Variants in LYST observed in about 807,000 individuals in gnomAD.
LYST encodes lysosomal trafficking regulator.
A neutral mutation model predicts 413.6 loss-of-function variants in LYST; 192 were observed. The ratio of observed to expected loss-of-function variants is 0.46; its 90% confidence interval spans 0.41 to 0.52. The LOEUF is 0.52. LYST is among the 20% of genes least tolerant of loss of function. LYST has a pLI of 0.00. For missense variants in LYST, 3,815 were observed against 4,499.9 expected (o/e 0.85, Z 4.35); for synonymous variants, 1,525 against 1,567.3 (o/e 0.97, Z 0.64).
intron 1 of LYST, among the ~76,000 whole-genome samples, chr1:235,853,581 C>T (rs1197981389): frequency 6.6e-6 from 1 of 151,784 alleles, no homozygotes. Context: ...GAAAGGTGTA[C>T]ATATTATTTT....
intron 2 of LYST, among the ~76,000 whole-genome samples, 190 bp from the exon 3 acceptor site, chr1:235,830,614 A>G (rs1432513859): frequency 6.6e-6 from 1 of 152,166 alleles, no homozygotes; most frequent in African/African-American, 2.4e-5. Context: ...AATTCCTTCC[A>G]TGGCGAAATG....
intron 36 of LYST, 101 bp from the exon 37 acceptor site, chr1:235,729,758 TAG>T: frequency 1.2e-6 from 1 of 812,048 alleles, no homozygotes; most frequent in Non-Finnish European, 2.1e-6. Context: ...CAAAGCAGAC[TAG>T]ATAGAGTTCC....
At chr1:235,711,170 A>G (rs1434722104) in intron 43 of LYST, among the ~76,000 whole-genome samples, 1 of 152,200 alleles carries the variant, frequency 6.6e-6, no homozygotes, top group African/African-American at 2.4e-5. Flanking sequence ...TTATACAGCC[A>G]CAGATAGCTA....
chr1:235,676,060 A>G (rs991576488), intron 50 of LYST, among the ~76,000 whole-genome samples: 2 of 152,344 alleles, frequency 1.3e-5, no homozygotes, highest in African/African-American at 4.8e-5. Context: ...CAGAAAATTC[A>G]TGAATTTTCT....
Position 235,788,770 on chromosome 1 carries a change from A to G in LYST, c.4619T>C (p.Ile1540Thr). 2 of 1,613,596 alleles carry G rather than the reference A, an allele frequency of 1.2e-6. No homozygotes were observed. The highest frequency in any genetic ancestry group is 1.7e-6 in the Non-Finnish European group (2 of 1,179,586). Residue 1540 changes from isoleucine to threonine, a missense_variant, in exon 13 of 53, where the codon ATT (isoleucine) becomes ACT (threonine). Physicochemically the swap from Ile to Thr is moderately conservative, Grantham distance 89 (BLOSUM62 -1). Coordinates refer to ENST00000389793, the MANE Select transcript of LYST (RefSeq NM_000081.4). The stretch of plus-strand genomic sequence containing the variant: ...CATCAACGCTTTGGATCCCAGTGAA[A>G]TTATATGAATACATCCTTCTTCTAT... ...RLIEEGCIHI[I>T]SLGSKALMIQ... is the part of the protein sequence containing the mutation.
chr1:235,771,303 T>C (rs1668645519), intron 19 of LYST, among the ~76,000 whole-genome samples: 1 of 152,172 alleles, frequency 6.6e-6, no homozygotes, highest in Admixed American at 6.5e-5. Flanking sequence ...TCAAATATAA[T>C]TAATTACGTA....
At chr1:235,694,417 T>C (rs1660929240) in intron 46 of LYST, among the ~76,000 whole-genome samples, 1 of 152,228 alleles carries the variant, frequency 6.6e-6, no homozygotes, top group African/African-American at 2.4e-5. Flanking sequence ...TTTGTTGGTA[T>C]GCTGAATATA....
chr1:235,844,995 G>A (rs544855597), intron 1 of LYST, among the ~76,000 whole-genome samples: 1 of 152,202 alleles, frequency 6.6e-6, no homozygotes, highest in Non-Finnish European at 1.5e-5. Context: ...AGGGAGGCAG[G>A]ACTAGATTGC....
At chr1:235,773,707 G>C in intron 19 of LYST, 135 bp downstream of exon 19, 1 of 708,274 alleles carries the variant, frequency 1.4e-6, no homozygotes, top group South Asian at 1.7e-5. Flanking sequence ...GAGATGGATG[G>C]TGGTGATGGT....
chr1:235,798,888 G>A (rs764622032), intron 10 of LYST, among the ~76,000 whole-genome samples: 2 of 152,072 alleles, frequency 1.3e-5, no homozygotes, highest in African/African-American at 4.8e-5. Context: ...TTCTTTTGGG[G>A]GTGATGAAAA....
intron 31 of LYST, chr1:235,738,710 T>A (rs1418432315): frequency 6.3e-6 from 10 of 1,588,950 alleles, no homozygotes. Context: ...TGGTTGAGAG[T>A]GCTTACGAGG....
chr1:235,679,823 T>C (rs1659669955), intron 48 of LYST, among the ~76,000 whole-genome samples: 1 of 152,164 alleles, frequency 6.6e-6, no homozygotes. Context: ...GCTTGCTTAG[T>C]TCCTGGGTGC....
rs189663211 is a variant in LYST at position 235,701,552 on chromosome 1, C to T, written c.10374+1195G>A. 9.5e-4 allele frequency among the ~76,000 whole-genome samples: 145 copies of T among 152,144 alleles called. 3 individuals carry two copies. In the East Asian group the frequency reaches 0.02, roughly 21 times the overall value. On this transcript the variant is annotated intron_variant, in intron 45 of 52. Transcript: ENST00000389793. ...CTGAGGCAGGAGAACTGTTTGAACCCGGGAGGCAGAGGTTGCAGTGAGCCG... is the reference window on the plus strand; with the variant it reads ...CTGAGGCAGGAGAACTGTTTGAACCTGGGAGGCAGAGGTTGCAGTGAGCCG...
chr1:235,724,686 C>T (rs1162747580), intron 38 of LYST, among the ~76,000 whole-genome samples: 2 of 152,196 alleles, frequency 1.3e-5, no homozygotes, highest in Non-Finnish European at 2.9e-5. Context: ...CCCTCCTTTC[C>T]TCTCCCCAAT....
At chr1:235,833,250 C>G (rs1234675891) in intron 2 of LYST, among the ~76,000 whole-genome samples, 2 of 152,024 alleles carry the variant, frequency 1.3e-5, no homozygotes, top group East Asian at 3.8e-4. Flanking sequence ...GAGATGATTG[C>G]ACGGTATTTT....
chr1:235,771,913 GTTTGTTTTT>G (rs1668723132), intron 19 of LYST, among the ~76,000 whole-genome samples: 3 of 95,182 alleles, frequency 3.2e-5, no homozygotes, highest in African/African-American at 1.1e-4. Context: ...AGGTTTTTTA[GTTTGTTTTT>G]TTTTTTTTTT....
intron 3 of LYST, among the ~76,000 whole-genome samples, chr1:235,822,135 A>T (rs1048322739): frequency 1.3e-5 from 2 of 152,226 alleles, no homozygotes; most frequent in African/African-American, 4.8e-5. Flanking sequence ...ACAGCTCAAA[A>T]TGAAAAAAGG....
chr1:235,712,413 T>C, intron 42 of LYST: 1 of 412,492 alleles, frequency 2.4e-6, no homozygotes, highest in Non-Finnish European at 4.2e-6. Context: ...GCTTTTGTAA[T>C]ATATATTATT....
intron 1 of LYST, among the ~76,000 whole-genome samples, chr1:235,876,293 C>A (rs1292912617): frequency 6.6e-6 from 1 of 152,124 alleles, no homozygotes; most frequent in Non-Finnish European, 1.5e-5. Flanking sequence ...GCCAAAAAAA[C>A]AAAACACAAT....
Sources: allele counts gnomAD v4.1 joint callset (sites outside exome capture counted in the v4.1 genomes callset), GRCh38; gene constraint gnomAD v4.1.1; transcripts MANE v1.5; gene names NCBI Gene and HGNC (gene_info 2026-07-23, HGNC 2026-07-21).